Variants in SLC38A1 observed in about 807,000 individuals in gnomAD.
SLC38A1 encodes sodium-coupled neutral amino acid symporter 1.
SLC38A1 carries 18 observed loss-of-function variants against 60.3 expected under a neutral mutation model. That is an observed-to-expected ratio of 0.30 (90% confidence interval 0.21 to 0.44). SLC38A1 has a LOEUF of 0.44. SLC38A1 is among the 20% of genes least tolerant of loss of function. SLC38A1 has a pLI of 1.00. For synonymous variants in SLC38A1, 196 were observed against 212.1 expected (o/e 0.92, Z 0.66); for missense variants, 448 against 587.2 (o/e 0.76, Z 2.45).
At chr12:46,209,694 T>C (rs568379578) in intron 5 of SLC38A1, among the ~76,000 whole-genome samples, 1 of 152,342 alleles carries the variant, frequency 6.6e-6, no homozygotes, top group African/African-American at 2.4e-5. Flanking sequence ...TTTTTGCACC[T>C]GGTTCCTCTT....
chr12:46,250,789 T>A (rs1592146748), intron 1 of SLC38A1, among the ~76,000 whole-genome samples: 1 of 152,236 alleles, frequency 6.6e-6, no homozygotes, highest in South Asian at 2.1e-4. Flanking sequence ...TTACAAGGGA[T>A]GTGAAGGACC....
intron 2 of SLC38A1, among the ~76,000 whole-genome samples, chr12:46,242,644 A>C (rs934357102): frequency 6.6e-6 from 1 of 152,134 alleles, no homozygotes; most frequent in Non-Finnish European, 1.5e-5. Flanking sequence ...CAAAAAATCA[A>C]AACAAAACAT....
Position 46,204,729 on chromosome 12 carries a change from G to T in SLC38A1, c.647-139C>A, listed in dbSNP as rs865834526. On this transcript the variant is annotated intron_variant, in intron 9 of 16. Transcript: ENST00000398637. ...TGCATTATTTGAAGCATATTTTAGA[G>T]ATCCAATAATAAACATACATGCCCA... 9 of 628,124 alleles carry T rather than the reference G, an allele frequency of 1.4e-5. No individual in the cohort carries two copies. The South Asian group carries it at 1.6e-4, about 11-fold the overall frequency. The allele number at this position is 628,124 out of a possible 1,614,324, so 38.9% of individuals were successfully genotyped here.
intron 5 of SLC38A1, among the ~76,000 whole-genome samples, chr12:46,217,708 A>T (rs1940476519): frequency 6.6e-6 from 1 of 152,230 alleles, no homozygotes; most frequent in African/African-American, 2.4e-5. Flanking sequence ...CTAAATTCTG[A>T]TCAAATTTCA....
chr12:46,207,919 G>A (rs1233900637), intron 6 of SLC38A1, among the ~76,000 whole-genome samples: 1 of 152,090 alleles, frequency 6.6e-6, no homozygotes, highest in African/African-American at 2.4e-5. Flanking sequence ...CTTACAAAGG[G>A]GAAATTCCTT....
chr12:46,213,943 A>G (rs538961031), intron 5 of SLC38A1, among the ~76,000 whole-genome samples: 1 of 152,362 alleles, frequency 6.6e-6, no homozygotes, highest in Admixed American at 6.5e-5. Flanking sequence ...GTTATGTGAG[A>G]CTATGCCAAA....
chr12:46,240,133 C>A (rs994465067), intron 2 of SLC38A1, among the ~76,000 whole-genome samples: 4 of 152,020 alleles, frequency 2.6e-5, no homozygotes, highest in African/African-American at 9.7e-5. Context: ...TCTTACTGAT[C>A]AGGTTTATAA....
At position 46,183,217 on chromosome 12, in the gene SLC38A1, A is replaced by T. The variant is rs1216261733; in HGVS notation, c.*5753T>A. ...GAATAGCAAAGTTTTGTGACTTGTGACTCACTTAAATCACCCATCTGAAAT... is the reference window on the plus strand; with the variant it reads ...GAATAGCAAAGTTTTGTGACTTGTGTCTCACTTAAATCACCCATCTGAAAT... On this transcript the variant is annotated 3_prime_UTR_variant, in exon 17 of 17. Coordinates refer to ENST00000398637, the MANE Select transcript of SLC38A1 (RefSeq NM_030674.4). The T allele has an allele frequency of 6.6e-6, 1 of 152,210 alleles. No homozygotes were observed. The highest frequency in any genetic ancestry group is 1.5e-5 in the Non-Finnish European group (1 of 67,998). The allele number at this position is 152,210 out of a possible 1,614,324, so 9.4% of individuals were successfully genotyped here. A position where few individuals can be genotyped will look rare whatever the true frequency, so the allele number is the denominator to read the frequency against.
chr12:46,230,861 TA>T (rs1941048711), intron 3 of SLC38A1, among the ~76,000 whole-genome samples: 1 of 152,130 alleles, frequency 6.6e-6, no homozygotes, highest in Non-Finnish European at 1.5e-5. Flanking sequence ...GAACTTAAAT[TA>T]AGACAGTCTC....
At chr12:46,192,247 A>G (rs1487738580) in intron 16 of SLC38A1, among the ~76,000 whole-genome samples, 1 of 152,198 alleles carries the variant, frequency 6.6e-6, no homozygotes, top group South Asian at 2.1e-4. Context: ...ATTGATTTGC[A>G]TATGTTGAAG....
At chr12:46,198,474 G>A (rs1939488544) in intron 14 of SLC38A1, 151 bp downstream of exon 14, 1 of 579,718 alleles carries the variant, frequency 1.7e-6, no homozygotes, top group Non-Finnish European at 3.0e-6. Flanking sequence ...TTTTCAAAGA[G>A]CCTGAACCGA....
intron 3 of SLC38A1, among the ~76,000 whole-genome samples, chr12:46,236,301 C>G (rs1332478898): frequency 3.3e-5 from 5 of 152,162 alleles, no homozygotes; most frequent in Non-Finnish European, 5.9e-5. Context: ...ATAAGTCCCA[C>G]AAGCTTAGCG....
At chr12:46,248,881 G>C (rs1314748850) in intron 1 of SLC38A1, among the ~76,000 whole-genome samples, 1 of 152,064 alleles carries the variant, frequency 6.6e-6, no homozygotes, top group East Asian at 1.9e-4. Flanking sequence ...TCAAGGCCAG[G>C]TGCGATGGCT....
At chr12:46,242,739 C>T (rs1258432859) in intron 2 of SLC38A1, among the ~76,000 whole-genome samples, 1 of 152,150 alleles carries the variant, frequency 6.6e-6, no homozygotes, top group Non-Finnish European at 1.5e-5. Context: ...GAGGTCAAAG[C>T]TCCACTGAAA....
intron 1 of SLC38A1, among the ~76,000 whole-genome samples, chr12:46,257,269 G>C (rs1310999632): frequency 6.6e-6 from 1 of 152,146 alleles, no homozygotes; most frequent in Non-Finnish European, 1.5e-5. Context: ...CAGTTAACAG[G>C]CTGTAGTACC....
chr12:46,220,708 TA>T (rs1282112314), intron 5 of SLC38A1, among the ~76,000 whole-genome samples: 1 of 152,202 alleles, frequency 6.6e-6, no homozygotes, highest in Non-Finnish European at 1.5e-5. Flanking sequence ...GGCATATATG[TA>T]AAGTAATAAA....
At chr12:46,266,083 G>A (rs1344286239) in intron 1 of SLC38A1, among the ~76,000 whole-genome samples, 5 of 152,204 alleles carry the variant, frequency 3.3e-5, no homozygotes. Flanking sequence ...GGGAACAGAT[G>A]AGATATAGAA....
intron 1 of SLC38A1, among the ~76,000 whole-genome samples, chr12:46,266,258 G>GA (rs1942348858): frequency 6.6e-6 from 1 of 152,098 alleles, no homozygotes; most frequent in Admixed American, 6.5e-5. Context: ...CCAGAGTAAA[G>GA]AAAAGAGTAG....
At position 46,244,627 on chromosome 12, in the gene SLC38A1, C is replaced by G. The variant is rs964256812; in HGVS notation, c.-208-1313G>C. On this transcript the variant is annotated intron_variant, in intron 1 of 16. Transcript: ENST00000398637. ...GATTTGGCTCAAGTGATGTGTTCCTCTAGCATGCACTTGAGATAATGGCTT... is the reference window on the plus strand; with the variant it reads ...GATTTGGCTCAAGTGATGTGTTCCTGTAGCATGCACTTGAGATAATGGCTT... 2.6e-5 allele frequency among the ~76,000 whole-genome samples: 4 copies of G among 152,282 alleles called. No individual in the cohort carries two copies. The East Asian group carries it at 7.7e-4, about 29-fold the overall frequency.
Sources: allele counts gnomAD v4.1 joint callset (sites outside exome capture counted in the v4.1 genomes callset), GRCh38; gene constraint gnomAD v4.1.1; transcripts MANE v1.5; gene names NCBI Gene and HGNC (gene_info 2026-07-23, HGNC 2026-07-21).